SMARCA4: variants seen among roughly 807,000 people sequenced by gnomAD.
SMARCA4 encodes SWI/SNF related BAF chromatin remodeling complex subunit ATPase 4.
SMARCA4 carries 31 observed loss-of-function variants against 193.9 expected under a neutral mutation model. The observed-to-expected ratio is 0.16, with a 90% CI of 0.12 to 0.22. SMARCA4 has a LOEUF of 0.22. Among genes scored for constraint, SMARCA4 ranks in the 10% least tolerant of loss-of-function variants. The probability of loss-of-function intolerance (pLI) is 1.00; values close to 1 mark genes in which losing one functional copy is unlikely to be tolerated. For missense variants in SMARCA4, 1,148 were observed against 2,296.0 expected (o/e 0.50, Z 10.22); for synonymous variants, 942 against 933.1 (o/e 1.01, Z -0.17).
chr19:10,978,373 C>T (rs1343107300), intron 1 of SMARCA4, among the ~76,000 whole-genome samples: 1 of 152,082 alleles, frequency 6.6e-6, no homozygotes, highest in African/African-American at 2.4e-5. Context: ...ACTCTTATTG[C>T]CCAGGCTGGA....
chr19:10,967,503 G>C (rs1033302738), intron 1 of SMARCA4, among the ~76,000 whole-genome samples: 1 of 149,486 alleles, frequency 6.7e-6, no homozygotes, highest in Admixed American at 6.7e-5. Flanking sequence ...GTAGAGACGG[G>C]GTTTCACCAT....
In SMARCA4 at chr19:11,059,879, T is replaced by G. The variant is rs766283505; in HGVS notation, c.4762T>G (p.Ser1588Ala). 1.9e-6 allele frequency: 3 copies of G among 1,613,838 alleles called. No individual in the cohort carries two copies. The South Asian group carries it at 3.3e-5, about 18-fold the overall frequency. Residue 1588 changes from serine (S) to alanine (A), a missense_variant, in exon 33 of 35, where the codon TCC becomes GCC. By Grantham distance (99) the Ser-to-Ala change is moderately conservative (BLOSUM62 1). Coordinates refer to ENST00000344626, the MANE Select transcript of SMARCA4 (RefSeq NM_003072.5). ...AGAGGGCGAGGAGGAAGGCTCCGAA[T>G]CCGAATGTGAGTCCCGGGGGGGTTC... ...EEEGEEEGSE[S>A]ESRSVKVKIK...
At chr19:11,060,310 C>T in intron 34 of SMARCA4, 123 bp downstream of exon 34, 1 of 1,245,004 alleles carries the variant, frequency 8.0e-7, no homozygotes. Context: ...AAAGCTGAGG[C>T]TTGACCTGCC....
At chr19:11,053,259 G>A (rs567664092) in intron 30 of SMARCA4, among the ~76,000 whole-genome samples, 20 of 152,192 alleles carry the variant, frequency 1.3e-4, no homozygotes, top group African/African-American at 4.6e-4. Flanking sequence ...CAAGGCTGGC[G>A]AATCGCTGGA....
chr19:10,990,945 AG>A (rs1306958242), intron 7 of SMARCA4, among the ~76,000 whole-genome samples: 1 of 152,248 alleles, frequency 6.6e-6, no homozygotes, highest in African/African-American at 2.4e-5. Flanking sequence ...CCCCCTGGAT[AG>A]ATGTCCAGAA....
At chr19:11,025,360 C>A (rs2146493072) in intron 21 of SMARCA4, 62 bp from the exon 22 acceptor site, 1 of 1,147,158 alleles carries the variant, frequency 8.7e-7, no homozygotes, top group Non-Finnish European at 1.3e-6. Context: ...CACCCATCCA[C>A]CAAGCCCACC....
rs2147086735 is a variant in SMARCA4, at chr19:11,058,310, C to T, written c.4480C>T (p.Leu1494=). The T allele has an allele frequency of 6.2e-7, 1 of 1,613,594 alleles. No individual in the cohort carries two copies. Among genetic ancestry groups the T allele is most frequent in the Non-Finnish European group, 8.5e-7 (1 of 1,179,904 alleles). The change falls in exon 31 of 35, where the codon CTG becomes TTG. Residue 1494 remains leucine, a synonymous_variant. Transcript: ENST00000344626. The surrounding 1 kb of genome is among the most constrained non-coding windows in gnomAD (Gnocchi z 5.8). The part of the protein sequence containing the change: ...VFIQLPSRKE[L]PEYYELIRKP... ...CATCCAGCTGCCCTCGCGAAAGGAG[C>T]TGCCCGAGTACTACGAGCTCATCCG...
chr19:11,023,488 G>A (rs759850058), intron 19 of SMARCA4, 30 bp from the exon 20 acceptor site: 12 of 1,414,126 alleles, frequency 8.5e-6, no homozygotes, highest in African/African-American at 1.4e-5. Flanking sequence ...TGGAGGTAAC[G>A]CTTGCTTCTC....
intron 13 of SMARCA4, among the ~76,000 whole-genome samples, chr19:11,006,127 T>A (rs1185119739): frequency 6.6e-6 from 1 of 152,232 alleles, no homozygotes; most frequent in East Asian, 1.9e-4. Flanking sequence ...TAATTGCAGA[T>A]CATATTTTTA....
chr19:11,020,172 G>A (rs1391170755), intron 18 of SMARCA4, among the ~76,000 whole-genome samples: 3 of 152,184 alleles, frequency 2.0e-5, no homozygotes, highest in African/African-American at 7.2e-5. Context: ...GCTGGCCTTG[G>A]GCAGCTGGTT....
At chr19:11,016,431 GT>G (rs1370379356) in intron 16 of SMARCA4, among the ~76,000 whole-genome samples, 1 of 151,818 alleles carries the variant, frequency 6.6e-6, no homozygotes, top group Admixed American at 6.6e-5. Context: ...TTACATGAGA[GT>G]TGCCAAATAC....
Position 10,995,018 on chromosome 19 carries a change from T to C in SMARCA4, c.1593+17T>C, listed in dbSNP as rs2086891950. The C allele has an allele frequency of 3.1e-6, 5 of 1,598,292 alleles. No homozygotes were observed. The highest frequency in any genetic ancestry group is 1.7e-4 in the Middle Eastern group (1 of 6,038). ...AGGCTCATGGTATGGTCCTGCCTTC[T>C]TGACGTGCGCTCTTCTACATGTGTA... On this transcript the variant is annotated intron_variant, in intron 9 of 34. Coordinates refer to ENST00000344626, the MANE Select transcript of SMARCA4 (RefSeq NM_003072.5).
At chr19:11,040,987 C>T (rs965310229) in intron 29 of SMARCA4, 7 of 315,382 alleles carry the variant, frequency 2.2e-5, no homozygotes, top group Non-Finnish European at 2.9e-5. Context: ...ACATCACCTC[C>T]GGGTGAAGGG....
At chr19:10,980,757 CTCTTTTTCCTCTGAGACAGCGT>C (rs1367084553) in intron 1 of SMARCA4, 2 of 152,118 alleles carry the variant, frequency 1.3e-5, no homozygotes, top group Non-Finnish European at 2.9e-5. Context: ...GGATCTTTTT[CTCTTTTTCCTCTGAGACAGCGT>C]CTCGCCCTTT....
At chr19:10,978,842 G>A (rs1048613443) in intron 1 of SMARCA4, among the ~76,000 whole-genome samples, 2 of 151,866 alleles carry the variant, frequency 1.3e-5, no homozygotes, top group Admixed American at 6.6e-5. Flanking sequence ...CCAGCTACTC[G>A]GGAAGCTGAG....
intron 19 of SMARCA4, among the ~76,000 whole-genome samples, chr19:11,022,467 A>T (rs998873440): frequency 6.6e-6 from 1 of 152,204 alleles, no homozygotes; most frequent in African/African-American, 2.4e-5. Context: ...CATCAGCCAG[A>T]CTGTGGCATG....
chr19:10,972,210 T>C lies in SMARCA4; in HGVS notation c.-32+11036T>C, dbSNP rs373131682. ...CTGACCTCAAGTTATCCACTCGTCTTGGCCTCCCAAAGTGTTGGAATTACA... is the reference window on the plus strand; with the variant it reads ...CTGACCTCAAGTTATCCACTCGTCTCGGCCTCCCAAAGTGTTGGAATTACA... On this transcript the variant is annotated intron_variant, in intron 1 of 34. Transcript: ENST00000344626. 1.8e-3 allele frequency among the ~76,000 whole-genome samples: 275 copies of C among 152,006 alleles called. 1 individual carries two copies. Among genetic ancestry groups the C allele is most frequent in the Middle Eastern group, 6.8e-3 (2 of 292 alleles).
intron 18 of SMARCA4, among the ~76,000 whole-genome samples, chr19:11,020,403 T>C (rs915161270): frequency 2.6e-5 from 4 of 151,764 alleles, no homozygotes; most frequent in African/African-American, 9.7e-5. Flanking sequence ...GTAGAGAGTT[T>C]TTTGCGTTTT....
At chr19:11,020,414 G>T (rs555844541) in intron 18 of SMARCA4, among the ~76,000 whole-genome samples, 11 of 151,364 alleles carry the variant, frequency 7.3e-5, no homozygotes, top group African/African-American at 2.4e-4. Flanking sequence ...TTTGCGTTTT[G>T]GTTTTTTTTT....
Sources: allele counts gnomAD v4.1 joint callset (sites outside exome capture counted in the v4.1 genomes callset), GRCh38; gene constraint gnomAD v4.1.1; non-coding constraint Gnocchi (gnomAD v3.1); transcripts MANE v1.5; gene names NCBI Gene and HGNC (gene_info 2026-07-23, HGNC 2026-07-21).